ZZEF1: variants seen among roughly 807,000 people sequenced by gnomAD.
The protein encoded by ZZEF1 is zinc finger ZZ-type and EF-hand domain-containing protein 1.
Under a neutral mutation model 342.8 loss-of-function variants are expected in ZZEF1, and 157 were observed. The observed-to-expected ratio is 0.46, with a 90% CI of 0.40 to 0.52. The LOEUF (loss-of-function observed/expected upper bound fraction) is 0.52, where lower values mean the gene tolerates loss of function less well. Among genes scored for constraint, ZZEF1 ranks in the 20% least tolerant of loss-of-function variants. The pLI is 0.00. For missense variants in ZZEF1, 3,480 were observed against 3,725.6 expected, an observed-to-expected ratio of 0.93 and a Z score of 1.72; for synonymous variants, 1,505 against 1,429.1, an observed-to-expected ratio of 1.05 and a Z score of -1.20.
intron 9 of ZZEF1, among the ~76,000 whole-genome samples, chr17:4,100,850 T>TAAAGAAATAAA (rs2058115924): frequency 6.6e-6 from 1 of 151,822 alleles, no homozygotes; most frequent in Non-Finnish European, 1.5e-5. Flanking sequence ...AATATAAAAA[T>TAAAGAAATAAA]AAAGAAATAA....
rs555555479 is a variant in ZZEF1 at position 4,029,636 on chromosome 17, A to G, written c.6892+2490T>C. Among the ~76,000 whole-genome samples, 212 of 151,908 alleles carry G rather than the reference A, an allele frequency of 1.4e-3. 1 individual carries two copies. The highest frequency in any genetic ancestry group is 4.8e-3 in the African/African-American group (199 of 41,436). Reference sequence around the variant, plus strand: ...GAAACCTGTAATCCCAGCACTTTGGAAGGCTGAGGCGGGTGGATCACTGAG... The same window carrying G: ...GAAACCTGTAATCCCAGCACTTTGGGAGGCTGAGGCGGGTGGATCACTGAG... On this transcript the variant is annotated intron_variant, in intron 42 of 54. Coordinates refer to ENST00000381638, the MANE Select transcript of ZZEF1 (RefSeq NM_015113.4).
rs921754579 is a variant in ZZEF1 at position 4,039,789 on chromosome 17, G to T, written c.6306+2640C>A. ...CTCCCGAGTAGCTGGGACTACAGGC[G>T]CCCGCCACCACGCCTGGCTAATTTT... On this transcript the variant is annotated intron_variant, in intron 39 of 54. Transcript: ENST00000381638. Among the ~76,000 whole-genome samples the T allele has an allele frequency of 4.0e-5, 6 of 151,336 alleles. No individual in the cohort carries two copies. The South Asian group carries it at 6.3e-4, about 16-fold the overall frequency.
In ZZEF1 at chr17:4,090,847, A is replaced by G; in HGVS notation, c.1914-17T>C. The G allele has an allele frequency of 6.3e-7, 1 of 1,592,520 alleles. No homozygotes were observed. The highest frequency in any genetic ancestry group is 1.1e-5 in the South Asian group (1 of 90,670). On this transcript the variant is annotated splice_polypyrimidine_tract_variant and intron_variant, in intron 11 of 54. Coordinates refer to ENST00000381638, the MANE Select transcript of ZZEF1 (RefSeq NM_015113.4). The stretch of plus-strand genomic sequence containing the variant: ...CAACCAATCCTGTAAAGACAAGAGT[A>G]TTCACAAAACATTTTATTTTGAAAC...
At chr17:4,032,337 C>G in intron 41 of ZZEF1, 79 bp from the exon 42 acceptor site, 1 of 1,473,760 alleles carries the variant, frequency 6.8e-7, no homozygotes, top group African/African-American at 1.4e-5. Context: ...AGCCCAGCCC[C>G]CTTTGATTGT....
intron 39 of ZZEF1, among the ~76,000 whole-genome samples, chr17:4,039,891 G>A (rs928881273): frequency 4.0e-5 from 6 of 151,884 alleles, no homozygotes; most frequent in Non-Finnish European, 8.8e-5. Context: ...TGATCTGCCC[G>A]CCTTGGCCTC....
chr17:4,032,797 A>C (rs767587861), intron 41 of ZZEF1, 31 bp downstream of exon 41: 28 of 1,608,856 alleles, frequency 1.7e-5, no homozygotes, highest in Non-Finnish European at 1.4e-5. Context: ...GGAAGGGGTG[A>C]CCAGGCCCTC....
Position 4,075,152 on chromosome 17 carries a change from G to GCGT in ZZEF1, c.3425_3427dup (p.Asp1142dup). 1 of 1,614,224 alleles carries GCGT rather than the reference G, an allele frequency of 6.2e-7. No homozygotes were observed. Among genetic ancestry groups the GCGT allele is most frequent in the East Asian group, 2.2e-5 (1 of 44,890 alleles). On this transcript the variant is annotated inframe_insertion, in exon 23 of 55. Transcript: ENST00000381638. ...GTCATAGCGTGTTTTCCGACCTCTA[G>GCGT]CGTCGGTAAATTCCAGATAATCATA...
Position 4,070,539 on chromosome 17 carries a change from G to T in ZZEF1, c.4075+145C>A. 4 of 1,064,906 alleles carry T rather than the reference G, an allele frequency of 3.8e-6. No individual in the cohort carries two copies. In the South Asian group the frequency reaches 5.9e-5, roughly 16 times the overall value. The allele number at this position is 1,064,906 out of a possible 1,614,324, so 66.0% of individuals were successfully genotyped here. A position where few individuals can be genotyped will look rare whatever the true frequency, so the allele number is the denominator to read the frequency against. ...TAAAGTGGCCATGAATCTTTTAATAGGCAAAGTAGAACCAACAAGATGATG... is the reference window on the plus strand; with the variant it reads ...TAAAGTGGCCATGAATCTTTTAATATGCAAAGTAGAACCAACAAGATGATG... On this transcript the variant is annotated intron_variant, in intron 26 of 54. Transcript: ENST00000381638.
chr17:4,034,290 G>A lies in ZZEF1; in HGVS notation c.6309C>T (p.Gly2103=). The A allele has an allele frequency of 1.2e-6, 2 of 1,613,872 alleles. No homozygotes were observed. Among genetic ancestry groups the A allele is most frequent in the Non-Finnish European group, 1.7e-6 (2 of 1,179,788 alleles). The part of the protein sequence containing the change: ...LAAMLPPLKS[G]PTVPLIDLEH... The stretch of plus-strand genomic sequence containing the variant: ...CCAGGTCTATCAGGGGAACCGTGGG[G>A]CCCTGCCAAGAGAGGGAGAGAAATC... Residue 2103 remains glycine, a splice_region_variant and synonymous_variant, in exon 40 of 55, where the codon GGC becomes GGT. Transcript: ENST00000381638.
rs2056121449 is a variant in ZZEF1, at chr17:4,017,013, C to T, written c.8001+358G>A. The T allele has an allele frequency of 4.3e-6, 1 of 235,214 alleles. No homozygotes were observed. The highest frequency in any genetic ancestry group is 5.1e-5 in the Admixed American group (1 of 19,748). 14.6% of individuals were successfully genotyped at this position (235,214 alleles called of 1,614,324 possible). ...TGGTGGTGTTCTCAGATGGACAAAG[C>T]AAGGCTGAGAGGCCAAATGAACTTC... On this transcript the variant is annotated intron_variant, in intron 48 of 54. Transcript: ENST00000381638. This position sits in a 1 kb window ranked among gnomAD's most constrained non-coding sequence, Gnocchi z 5.1.
At chr17:4,050,219 G>T (rs1334545772) in intron 36 of ZZEF1, among the ~76,000 whole-genome samples, 1 of 152,172 alleles carries the variant, frequency 6.6e-6, no homozygotes, top group Non-Finnish European at 1.5e-5. Flanking sequence ...ACTGCTCTAA[G>T]GTGCTGGCGT....
intron 1 of ZZEF1, among the ~76,000 whole-genome samples, chr17:4,137,318 A>C (rs954654238): frequency 6.6e-6 from 1 of 152,224 alleles, no homozygotes; most frequent in East Asian, 1.9e-4. Context: ...AAGCAAAAAT[A>C]ATCTCCACTC....
intron 10 of ZZEF1, 94 bp downstream of exon 10, chr17:4,096,515 C>G: frequency 9.5e-7 from 1 of 1,053,616 alleles, no homozygotes; most frequent in Non-Finnish European, 1.4e-6. Flanking sequence ...CAAAACACCT[C>G]ATGTACCCCA....
intron 37 of ZZEF1, among the ~76,000 whole-genome samples, chr17:4,047,319 C>G (rs1365036461): frequency 6.6e-6 from 1 of 152,176 alleles, no homozygotes; most frequent in East Asian, 1.9e-4. Context: ...GAGCAGTTTC[C>G]ACTGCCCAAA....
At chr17:4,045,082 A>G (rs2056884536) in intron 37 of ZZEF1, among the ~76,000 whole-genome samples, 1 of 152,120 alleles carries the variant, frequency 6.6e-6, no homozygotes, top group South Asian at 2.1e-4. Context: ...TCAACCCAGG[A>G]GGAGGAGGTT....
intron 9 of ZZEF1, among the ~76,000 whole-genome samples, chr17:4,097,639 T>G (rs1478735912): frequency 6.6e-6 from 1 of 152,064 alleles, no homozygotes; most frequent in Non-Finnish European, 1.5e-5. Context: ...CTAAACACTG[T>G]GTTCTGTGGA....
At chr17:4,073,193 C>T (rs2057544224) in intron 24 of ZZEF1, among the ~76,000 whole-genome samples, 1 of 152,094 alleles carries the variant, frequency 6.6e-6, no homozygotes, top group African/African-American at 2.4e-5. Flanking sequence ...AATAAAAATG[C>T]TAATAGCTAT....
At position 4,004,682 on chromosome 17, in the gene ZZEF1, A is replaced by G. The variant is rs559960123; in HGVS notation, c.*2208T>C. 1 of 152,556 alleles carries G rather than the reference A, an allele frequency of 6.6e-6. No individual in the cohort carries two copies. The highest frequency in any genetic ancestry group is 2.4e-5 in the African/African-American group (1 of 41,588). 9.5% of individuals were successfully genotyped at this position (152,556 alleles called of 1,614,324 possible). A position where few individuals can be genotyped will look rare whatever the true frequency, so the allele number is the denominator to read the frequency against. The stretch of plus-strand genomic sequence containing the variant: ...TGTTTGTACAACAGGTATGCTCTGG[A>G]ACAGGATTTCTTTACAGCGTAGGCA... On this transcript the variant is annotated 3_prime_UTR_variant, in exon 55 of 55. Transcript: ENST00000381638.
intron 16 of ZZEF1, among the ~76,000 whole-genome samples, chr17:4,083,627 G>GCTT (rs10627824): frequency 0.36 from 51,035 of 142,522 alleles, 9,167 homozygotes; most frequent in African/African-American, 0.45. Flanking sequence ...CACATTTTAT[G>GCTT]CTTTTGTTCC....
Sources: gnomAD v4.1 joint callset for allele counts (sites outside exome capture counted in the v4.1 genomes callset) on GRCh38, gnomAD v4.1.1 for gene constraint, Gnocchi (gnomAD v3.1) non-coding constraint, MANE v1.5 for transcripts, NCBI Gene and HGNC (gene_info 2026-07-23, HGNC 2026-07-21) for gene names.